SUGCT: variants seen among roughly 807,000 people sequenced by gnomAD.
The protein encoded by SUGCT is succinyl-CoA:glutarate CoA-transferase.
A neutral mutation model predicts 55.0 loss-of-function variants in SUGCT; 41 were observed. The ratio of observed to expected loss-of-function variants is 0.74; its 90% CI spans 0.58 to 0.97. SUGCT has a LOEUF of 0.97. SUGCT is among the 50% of genes least tolerant of loss of function. The pLI is 0.00. For missense variants in SUGCT, 568 were observed against 547.8 expected (o/e 1.04, Z -0.37); for synonymous variants, 187 against 200.4 (o/e 0.93, Z 0.56).
At chr7:40,682,146 T>C (rs1784275853) in intron 12 of SUGCT, among the ~76,000 whole-genome samples, 2 of 152,334 alleles carry the variant, frequency 1.3e-5, no homozygotes, top group Admixed American at 6.5e-5. Context: ...GATTTTCCTT[T>C]ATTTCCATGC....
chr7:40,765,034 C>T (rs1788711079), intron 13 of SUGCT, among the ~76,000 whole-genome samples: 1 of 152,126 alleles, frequency 6.6e-6, no homozygotes, highest in Admixed American at 6.5e-5. Context: ...GCAGTAGAGT[C>T]CCTACATTCT....
At chr7:40,931,438 A>G in the SUGCT span, among the ~76,000 whole-genome samples, 9 of 152,200 alleles carry the variant, frequency 5.9e-5, no homozygotes, top group African/African-American at 2.2e-4. Context: ...TGGCCTCATA[A>G]AATGAGTTAG....
At chr7:40,962,712 A>G in the SUGCT span, among the ~76,000 whole-genome samples, 50 of 152,126 alleles carry the variant, frequency 3.3e-4, no homozygotes, top group African/African-American at 1.1e-3. Context: ...AGTGTGCAAT[A>G]CAATGGGAAA....
chr7:40,902,277 C>A, the SUGCT span, among the ~76,000 whole-genome samples: 1 of 152,014 alleles, frequency 6.6e-6, no homozygotes. Flanking sequence ...ATATATTTTT[C>A]AATTAAAAAA....
intron 12 of SUGCT, among the ~76,000 whole-genome samples, chr7:40,515,446 T>C (rs1267001597): frequency 6.6e-6 from 1 of 152,238 alleles, no homozygotes; most frequent in Non-Finnish European, 1.5e-5. Flanking sequence ...TCATAACTGC[T>C]AAAAGAAACA....
chr7:40,427,546 G>A (rs1787651367), intron 9 of SUGCT, among the ~76,000 whole-genome samples: 5 of 152,156 alleles, frequency 3.3e-5, no homozygotes, highest in Admixed American at 3.3e-4. Context: ...TATGAGCAAT[G>A]TTTGAACTCC....
chr7:40,380,882 T>C (rs1784836926), intron 9 of SUGCT, among the ~76,000 whole-genome samples: 1 of 152,212 alleles, frequency 6.6e-6, no homozygotes, highest in African/African-American at 2.4e-5. Flanking sequence ...TACTGTCTTT[T>C]TTTGAAATCA....
At chr7:40,299,094 C>T (rs912352833) in intron 8 of SUGCT, among the ~76,000 whole-genome samples, 4 of 152,144 alleles carry the variant, frequency 2.6e-5, no homozygotes, top group African/African-American at 9.7e-5. Context: ...TTCAAACAAG[C>T]ACAGTGACTT....
At chr7:40,932,156 T>C in the SUGCT span, among the ~76,000 whole-genome samples, 1 of 152,224 alleles carries the variant, frequency 6.6e-6, no homozygotes, top group Admixed American at 6.5e-5. Flanking sequence ...AGAACATCTT[T>C]ATTTCTGCCT....
At chr7:40,876,105 AC>A in the SUGCT span, among the ~76,000 whole-genome samples, 1 of 152,188 alleles carries the variant, frequency 6.6e-6, no homozygotes, top group Non-Finnish European at 1.5e-5. Flanking sequence ...TATGAAACAT[AC>A]ATTTACTTAT....
chr7:40,647,443 A>G (rs1800577000), intron 12 of SUGCT, among the ~76,000 whole-genome samples: 1 of 152,214 alleles, frequency 6.6e-6, no homozygotes, highest in Non-Finnish European at 1.5e-5. Context: ...GGTGAAAAGC[A>G]GTTGACTTAT....
chr7:40,299,123 A>G (rs762094466), intron 8 of SUGCT, among the ~76,000 whole-genome samples: 8 of 152,188 alleles, frequency 5.3e-5, no homozygotes, highest in Non-Finnish European at 8.8e-5. Flanking sequence ...TCCCCATGTT[A>G]TCATCTAAGA....
chr7:40,443,703 C>T (rs1375950966), intron 9 of SUGCT, among the ~76,000 whole-genome samples: 1 of 152,150 alleles, frequency 6.6e-6, no homozygotes, highest in Non-Finnish European at 1.5e-5. Flanking sequence ...GTTTCTTTTG[C>T]TGTGCAGAAG....
intron 1 of SUGCT, among the ~76,000 whole-genome samples, chr7:40,176,197 G>C (rs975756797): frequency 6.6e-6 from 1 of 151,872 alleles, no homozygotes; most frequent in Admixed American, 6.5e-5. Flanking sequence ...ACTCCAGCCT[G>C]GGTGACAGAG....
intron 9 of SUGCT, among the ~76,000 whole-genome samples, chr7:40,404,862 C>A (rs1015460955): frequency 6.6e-6 from 1 of 152,204 alleles, no homozygotes; most frequent in Non-Finnish European, 1.5e-5. Context: ...TGATTCCATT[C>A]TCTGACAGGT....
intron 9 of SUGCT, among the ~76,000 whole-genome samples, chr7:40,347,780 C>G (rs982254282): frequency 1.3e-5 from 2 of 152,184 alleles, no homozygotes; most frequent in African/African-American, 2.4e-5. Flanking sequence ...ATATATTGCA[C>G]TGCAGGATAT....
At chr7:40,739,083 G>T (rs995571939) in intron 12 of SUGCT, among the ~76,000 whole-genome samples, 1 of 152,086 alleles carries the variant, frequency 6.6e-6, no homozygotes, top group Non-Finnish European at 1.5e-5. Flanking sequence ...ATAATACAGA[G>T]AGATCCCATG....
chr7:40,966,758 C>G, the SUGCT span: 1 of 152,176 alleles, frequency 6.6e-6, no homozygotes, highest in Non-Finnish European at 1.5e-5. Context: ...TCTATTCAAG[C>G]TAGACCGATA....
At chr7:40,471,643 A>T (rs1467049544) in intron 11 of SUGCT, among the ~76,000 whole-genome samples, 1 of 152,076 alleles carries the variant, frequency 6.6e-6, no homozygotes, top group Non-Finnish European at 1.5e-5. Context: ...TCAAAACACC[A>T]TTTCAAGAGG....
Sources: gnomAD v4.1 joint callset for allele counts (sites outside exome capture counted in the v4.1 genomes callset) on GRCh38, gnomAD v4.1.1 for gene constraint, MANE v1.5 for transcripts, NCBI Gene and HGNC (gene_info 2026-07-23, HGNC 2026-07-21) for gene names.